The following TAPT1 variants were observed in gnomAD, a reference collection of about 807,000 sequenced individuals.
TAPT1 encodes transmembrane anterior posterior transformation protein 1 homolog.
TAPT1 carries 28 observed loss-of-function variants against 65.6 expected under a neutral mutation model. That is an observed-to-expected ratio of 0.43 (90% CI 0.32 to 0.59). TAPT1 has a LOEUF of 0.59. TAPT1 is among the 20% of genes least tolerant of loss of function. The probability of loss-of-function intolerance (pLI) is 0.09; values close to 1 mark genes in which losing one functional copy is unlikely to be tolerated. For synonymous variants in TAPT1, 278 were observed against 245.2 expected, an observed-to-expected ratio of 1.13 and a Z score of -1.25; for missense variants, 563 against 679.9, an observed-to-expected ratio of 0.83 and a Z score of 1.91.
chr4:16,225,795 G>A, intron 1 of TAPT1: 1 of 767,804 alleles, frequency 1.3e-6, no homozygotes, highest in Non-Finnish European at 1.6e-6. Flanking sequence ...TCAGCTGTCT[G>A]TGAAAAATCT....
intron 2 of TAPT1, among the ~76,000 whole-genome samples, chr4:16,207,761 A>G (rs1404000637): frequency 6.6e-6 from 1 of 152,248 alleles, no homozygotes; most frequent in Non-Finnish European, 1.5e-5. Context: ...ATGCCTAGTA[A>G]TAACAATATA....
intron 7 of TAPT1, among the ~76,000 whole-genome samples, chr4:16,180,353 G>A (rs1301186266): frequency 2.6e-5 from 4 of 152,294 alleles, no homozygotes; most frequent in East Asian, 1.9e-4. Flanking sequence ...CTAAGATACC[G>A]TGTAACCAAG....
In TAPT1 at chr4:16,163,526, C is replaced by G. The variant is rs1282632507; in HGVS notation, c.1486G>C (p.Glu496Gln). The change falls in exon 14 of 14, where the codon GAA (glutamate) becomes CAA (glutamine). Residue 496 changes from glutamate (E) to glutamine (Q), a missense_variant. This residue lies in a region of TAPT1 where 136 missense variants were observed against 153.9 expected (regional missense o/e 0.88). Coordinates refer to ENST00000405303, the MANE Select transcript of TAPT1 (RefSeq NM_153365.3). ...KCKPSQGLSTEENLSASITKQ... is the reference protein window; with the variant it reads ...KCKPSQGLSTQENLSASITKQ... ...GTGATGGAGGCAGACAGGTTTTCTT[C>G]TGTGGAAAGGCCTGTGATAAAATAG... 6.2e-7 allele frequency: 1 copy of G among 1,612,630 alleles called. No homozygotes were observed. The highest frequency in any genetic ancestry group is 1.1e-5 in the South Asian group (1 of 90,958).
intron 11 of TAPT1, among the ~76,000 whole-genome samples, chr4:16,171,878 T>C (rs974361511): frequency 2.3e-4 from 35 of 152,364 alleles, no homozygotes; most frequent in African/African-American, 8.2e-4. Flanking sequence ...GAGACTTTAA[T>C]ACACATTTTT....
intron 1 of TAPT1, among the ~76,000 whole-genome samples, chr4:16,223,022 C>T (rs1751344534): frequency 6.6e-6 from 1 of 152,092 alleles, no homozygotes; most frequent in Non-Finnish European, 1.5e-5. Context: ...CAGGTGCTAC[C>T]CTTATTTACA....
intron 12 of TAPT1, 91 bp from the exon 13 acceptor site, chr4:16,166,884 G>C (rs940813324): frequency 4.2e-5 from 55 of 1,311,074 alleles, no homozygotes; most frequent in Non-Finnish European, 5.5e-5. Context: ...GAGAAGGTGG[G>C]GGGGCATGGG....
chr4:16,186,556 G>C lies in TAPT1; in HGVS notation c.895C>G (p.Leu299Val). The C allele has an allele frequency of 6.5e-7, 1 of 1,533,464 alleles. No individual in the cohort carries two copies. The highest frequency in any genetic ancestry group is 8.9e-7 in the Non-Finnish European group (1 of 1,129,696). The allele number at this position is 1,533,464 out of a possible 1,614,324, so 95.0% of individuals were successfully genotyped here. A position where few individuals can be genotyped will look rare whatever the true frequency, so the allele number is the denominator to read the frequency against. ...ATACCGCTATTTGACATTTGAAAGA[G>C]ATTGTTCTTTTCAAACTTCTTGAAA... Reference protein sequence around the residue: ...SVFKKFEKNNLFQMSNSDIKE... With the variant: ...SVFKKFEKNNVFQMSNSDIKE... Residue 299 changes from leucine (L) to valine (V), a missense_variant, in exon 7 of 14, where the codon CTC becomes GTC. Physicochemically the swap from Leu to Val is conservative, Grantham distance 32. Around this residue, in one of 5 missense-constraint regions of TAPT1, gnomAD observed 217 missense variants for 317.5 expected, o/e 0.68. Coordinates refer to ENST00000405303, the MANE Select transcript of TAPT1 (RefSeq NM_153365.3).
chr4:16,187,248 G>C (rs1749073859), intron 5 of TAPT1, among the ~76,000 whole-genome samples: 1 of 152,078 alleles, frequency 6.6e-6, no homozygotes, highest in African/African-American at 2.4e-5. Flanking sequence ...TGAAAGAAGA[G>C]ACTAAGAAAT....
At chr4:16,225,455 T>C (rs961642163) in intron 1 of TAPT1, among the ~76,000 whole-genome samples, 4 of 152,232 alleles carry the variant, frequency 2.6e-5, no homozygotes, top group Non-Finnish European at 5.9e-5. Context: ...AATTAAAACG[T>C]TGGGTTCACT....
intron 3 of TAPT1, among the ~76,000 whole-genome samples, chr4:16,196,899 G>A (rs1749738913): frequency 6.6e-6 from 1 of 152,114 alleles, no homozygotes; most frequent in Non-Finnish European, 1.5e-5. Context: ...GAAGTAAAAG[G>A]CATATTTGTT....
intron 11 of TAPT1, among the ~76,000 whole-genome samples, chr4:16,172,765 T>C (rs1578414892): frequency 1.3e-5 from 2 of 152,156 alleles, no homozygotes; most frequent in East Asian, 3.8e-4. Context: ...ACTGCAGCTA[T>C]AGAAGTCTAG....
intron 3 of TAPT1, among the ~76,000 whole-genome samples, chr4:16,200,246 G>A (rs1461050420): frequency 6.6e-6 from 1 of 152,122 alleles, no homozygotes; most frequent in Non-Finnish European, 1.5e-5. Flanking sequence ...TGAACTTGAC[G>A]CACACTGTTG....
chr4:16,175,429 T>G (rs1451173374), intron 9 of TAPT1, among the ~76,000 whole-genome samples: 1 of 152,162 alleles, frequency 6.6e-6, no homozygotes, highest in African/African-American at 2.4e-5. Flanking sequence ...CTGCATTTTA[T>G]TTTAAATAAT....
At chr4:16,220,186 C>T (rs912935738) in intron 1 of TAPT1, among the ~76,000 whole-genome samples, 1 of 152,198 alleles carries the variant, frequency 6.6e-6, no homozygotes, top group African/African-American at 2.4e-5. Context: ...ATAATTTTGG[C>T]TACAGTTGAC....
At chr4:16,190,049 G>C (rs899550217) in intron 4 of TAPT1, 13 of 152,326 alleles carry the variant, frequency 8.5e-5, no homozygotes, top group African/African-American at 2.4e-4. Context: ...CAACCTACTT[G>C]GTGGGGCAAA....
intron 7 of TAPT1, among the ~76,000 whole-genome samples, chr4:16,185,609 T>C (rs1006415964): frequency 1.1e-4 from 17 of 152,294 alleles, no homozygotes; most frequent in African/African-American, 4.1e-4. Context: ...CCTCAGGTGA[T>C]CCACCAGCCT....
At chr4:16,226,793 C>G (rs1370010550), upstream of TAPT1, 1 of 156,744 alleles carries the variant, frequency 6.4e-6, no homozygotes, top group African/African-American at 2.4e-5. Flanking sequence ...CTCCGGGGCT[C>G]GAGTCGGGGA....
intron 13 of TAPT1, among the ~76,000 whole-genome samples, chr4:16,164,483 T>C (rs1747453564): frequency 6.6e-6 from 1 of 152,228 alleles, no homozygotes; most frequent in South Asian, 2.1e-4. Context: ...CTGAATGTAC[T>C]TCTCATAACA....
intron 3 of TAPT1, among the ~76,000 whole-genome samples, chr4:16,197,629 G>A (rs989203931): frequency 1.3e-5 from 2 of 152,142 alleles, no homozygotes; most frequent in African/African-American, 4.8e-5. Context: ...AGAGCAGTCT[G>A]CTTTTCTGAA....
Sources: allele counts gnomAD v4.1 joint callset (sites outside exome capture counted in the v4.1 genomes callset), GRCh38; gene constraint gnomAD v4.1.1; regional missense constraint gnomAD v4.1.1; transcripts MANE v1.5; gene names NCBI Gene and HGNC (gene_info 2026-07-23, HGNC 2026-07-21).